Variants in PPP1R17 observed in about 807,000 individuals in gnomAD.
PPP1R17 encodes the protein protein phosphatase 1 regulatory subunit 17.
A neutral mutation model predicts 15.9 loss-of-function variants in PPP1R17; 12 were observed. The ratio of observed to expected loss-of-function variants is 0.75; its 90% confidence interval spans 0.48 to 1.22. The LOEUF (loss-of-function observed/expected upper bound fraction) is 1.22, where lower values mean the gene tolerates loss of function less well. Among genes scored for constraint, PPP1R17 ranks in the 50% most tolerant of loss-of-function variants. The pLI, the probability that PPP1R17 is intolerant of heterozygous loss-of-function variation, is 0.00. For synonymous variants in PPP1R17, 63 were observed against 64.5 expected, an observed-to-expected ratio of 0.98 and a Z score of 0.11; for missense variants, 211 against 187.3, an observed-to-expected ratio of 1.13 and a Z score of -0.74.
chr7:31,696,432 G>A (rs75930867), intron 3 of PPP1R17, among the ~76,000 whole-genome samples: 11,336 of 152,264 alleles, frequency 0.074, 522 homozygotes, highest in Non-Finnish European at 0.11. Flanking sequence ...TGTGGGTAGT[G>A]AATTGTGGAA....
Position 31,695,468 on chromosome 7 carries a change from G to T in PPP1R17, c.83-1G>T, listed in dbSNP as rs772846628. 6.3e-7 allele frequency: 1 copy of T among 1,592,802 alleles called. No homozygotes were observed. On this transcript the variant is annotated splice_acceptor_variant, in intron 2 of 4. Transcript: ENST00000342032. LOFTEE classifies it high-confidence loss of function. ...ATTTCTTTGTATCCTGTCAAAATTA[G>T]ATGATCTTTCAGACCAGTTCATTAA...
chr7:31,694,475 T>C (rs1162811565), intron 2 of PPP1R17, among the ~76,000 whole-genome samples: 1 of 151,376 alleles, frequency 6.6e-6, no homozygotes, highest in Non-Finnish European at 1.5e-5. Flanking sequence ...TTTCTAGAAA[T>C]GAAGGTGCAA....
At chr7:31,693,590 T>C (rs967010742) in intron 2 of PPP1R17, among the ~76,000 whole-genome samples, 7 of 152,180 alleles carry the variant, frequency 4.6e-5, no homozygotes, top group African/African-American at 1.4e-4. Context: ...AGACTTAGCA[T>C]GAGAACTCAA....
intron 3 of PPP1R17, 56 bp from the exon 4 acceptor site, chr7:31,696,909 A>G (rs1792607286): frequency 6.4e-7 from 1 of 1,572,772 alleles, no homozygotes; most frequent in Non-Finnish European, 8.7e-7. Context: ...CAGTCCTCAT[A>G]TATTAGGATA....
Position 31,708,032 on chromosome 7 carries a change from T to C in PPP1R17, c.*749T>C, listed in dbSNP as rs1009681352. ...TGTGTCACAAGTGAGTCATTATCAA[T>C]GGTAGATAAAATATCAATGTTTGTG... On this transcript the variant is annotated 3_prime_UTR_variant, in exon 5 of 5. Coordinates refer to ENST00000342032, the MANE Select transcript of PPP1R17 (RefSeq NM_006658.5). 2.0e-5 allele frequency: 3 copies of C among 152,240 alleles called. No individual in the cohort carries two copies. The highest frequency in any genetic ancestry group is 1.3e-4 in the Admixed American group (2 of 15,290). The allele number at this position is 152,240 out of a possible 1,614,324, so 9.4% of individuals were successfully genotyped here.
Position 31,690,517 on chromosome 7 carries a change from A to G in PPP1R17, c.-36-1889A>G, listed in dbSNP as rs181562091. Among the ~76,000 whole-genome samples the G allele has an allele frequency of 1.2e-4, 18 of 152,300 alleles. No homozygotes were observed. In the East Asian group the frequency reaches 3.1e-3, roughly 26 times the overall value. ...GTGGAGAGGGGGCAAAAATGATTCTATTACATTGGGCCCCATTTACTCTCA... is the reference window on the plus strand; with the variant it reads ...GTGGAGAGGGGGCAAAAATGATTCTGTTACATTGGGCCCCATTTACTCTCA... On this transcript the variant is annotated intron_variant, in intron 1 of 4. Transcript: ENST00000342032.
chr7:31,687,812 C>T (rs979512201), intron 1 of PPP1R17, among the ~76,000 whole-genome samples: 2 of 152,154 alleles, frequency 1.3e-5, no homozygotes, highest in Non-Finnish European at 2.9e-5. Flanking sequence ...GGTGCATTAA[C>T]GAGATACCAC....
chr7:31,694,806 A>T (rs978100957), intron 2 of PPP1R17, among the ~76,000 whole-genome samples: 1 of 152,076 alleles, frequency 6.6e-6, no homozygotes, highest in Non-Finnish European at 1.5e-5. Context: ...CTTCTGATAG[A>T]CTCGATGTAA....
chr7:31,699,525 G>A (rs1428175794), intron 4 of PPP1R17, among the ~76,000 whole-genome samples: 1 of 152,186 alleles, frequency 6.6e-6, no homozygotes, highest in Non-Finnish European at 1.5e-5. Context: ...CTTCCCAAGG[G>A]AAGAAGGAAT....
chr7:31,702,759 C>T (rs1388977056), intron 4 of PPP1R17, among the ~76,000 whole-genome samples: 2 of 152,198 alleles, frequency 1.3e-5, no homozygotes, highest in East Asian at 3.9e-4. Context: ...GATATCTAGT[C>T]CAATCATTTC....
chr7:31,697,146 G>T, intron 4 of PPP1R17, 29 bp downstream of exon 4: 1 of 1,611,054 alleles, frequency 6.2e-7, no homozygotes, highest in Non-Finnish European at 8.5e-7. Flanking sequence ...GGCATTTGCA[G>T]GGGGTGATGG....
intron 1 of PPP1R17, among the ~76,000 whole-genome samples, chr7:31,691,225 T>C (rs1352850708): frequency 4.6e-5 from 7 of 152,200 alleles, no homozygotes; most frequent in Non-Finnish European, 2.9e-5. Context: ...TCTCAGCACA[T>C]AGAGGAAGAG....
intron 4 of PPP1R17, among the ~76,000 whole-genome samples, chr7:31,697,645 A>C (rs1483444597): frequency 1.3e-5 from 2 of 152,206 alleles, no homozygotes; most frequent in Non-Finnish European, 2.9e-5. Flanking sequence ...TGTCTCTGAG[A>C]AGTACAAGTT....
At chr7:31,705,901 A>C (rs2128249149) in intron 4 of PPP1R17, among the ~76,000 whole-genome samples, 1 of 151,212 alleles carries the variant, frequency 6.6e-6, no homozygotes, top group African/African-American at 2.4e-5. Context: ...GATGAGCAGA[A>C]CCATGTGGCC....
At chr7:31,695,669 A>C in intron 3 of PPP1R17, 48 bp downstream of exon 3, 1 of 1,556,002 alleles carries the variant, frequency 6.4e-7, no homozygotes, top group African/African-American at 1.4e-5. Flanking sequence ...GCCACTTGCC[A>C]CTAGGTTGCA....
In PPP1R17 at chr7:31,707,699, G is replaced by A. The variant is rs1793132033; in HGVS notation, c.*416G>A. On this transcript the variant is annotated 3_prime_UTR_variant, in exon 5 of 5. Coordinates refer to ENST00000342032, the MANE Select transcript of PPP1R17 (RefSeq NM_006658.5). ...AGCACCAGTCCAAGTGGGGTTCCCTGTTGCCAGTTAGAGAGGTGAGAATGT... is the reference window on the plus strand; with the variant it reads ...AGCACCAGTCCAAGTGGGGTTCCCTATTGCCAGTTAGAGAGGTGAGAATGT... The A allele has an allele frequency of 6.0e-6, 1 of 167,488 alleles. No individual in the cohort carries two copies. Among genetic ancestry groups the A allele is most frequent in the Non-Finnish European group, 1.3e-5 (1 of 77,438 alleles). The allele number at this position is 167,488 out of a possible 1,614,324, so 10.4% of individuals were successfully genotyped here. A position where few individuals can be genotyped will look rare whatever the true frequency, so the allele number is the denominator to read the frequency against.
rs540244133 is a variant in PPP1R17 at position 31,692,369 on chromosome 7, G to C, written c.-36-37G>C. On this transcript the variant is annotated intron_variant, in intron 1 of 4. Transcript: ENST00000342032. ...AAATGATTGAATGAATGAATAAACA[G>C]AGCCATACTTATTAACTGTTTTTTA... The C allele has an allele frequency of 3.3e-6, 4 of 1,224,460 alleles. No individual in the cohort carries two copies. In the South Asian group the frequency reaches 3.8e-5, roughly 12 times the overall value. The allele number at this position is 1,224,460 out of a possible 1,614,324, so 75.8% of individuals were successfully genotyped here. A position where few individuals can be genotyped will look rare whatever the true frequency, so the allele number is the denominator to read the frequency against.
intron 4 of PPP1R17, among the ~76,000 whole-genome samples, chr7:31,699,433 A>G (rs1448430572): frequency 6.6e-6 from 1 of 152,196 alleles, no homozygotes; most frequent in Non-Finnish European, 1.5e-5. Flanking sequence ...AGCAGTTTTA[A>G]TATTGGTCAA....
intron 2 of PPP1R17, among the ~76,000 whole-genome samples, chr7:31,694,483 C>T (rs1046668119): frequency 5.3e-5 from 8 of 151,706 alleles, no homozygotes; most frequent in South Asian, 2.1e-4. Context: ...AATGAAGGTG[C>T]AAGTTCTCAG....
Sources: gnomAD v4.1 joint callset for allele counts (sites outside exome capture counted in the v4.1 genomes callset) on GRCh38, gnomAD v4.1.1 for gene constraint, MANE v1.5 for transcripts, NCBI Gene and HGNC (gene_info 2026-07-23, HGNC 2026-07-21) for gene names.